The following LAMC2 variants were observed in gnomAD, a reference collection of about 807,000 sequenced individuals.
LAMC2 encodes the protein laminin subunit gamma-2.
Under a neutral mutation model 140.2 loss-of-function variants are expected in LAMC2, and 97 were observed. That is an observed-to-expected ratio of 0.69 (90% confidence interval 0.59 to 0.82). The LOEUF (loss-of-function observed/expected upper bound fraction) is 0.82, where lower values mean the gene tolerates loss of function less well. LAMC2 is among the 40% of genes least tolerant of loss of function. The probability of loss-of-function intolerance (pLI) is 0.00; values close to 1 mark genes in which losing one functional copy is unlikely to be tolerated. For missense variants in LAMC2, 1,402 were observed against 1,476.1 expected (o/e 0.95, Z 0.82); for synonymous variants, 513 against 540.2 (o/e 0.95, Z 0.70).
chr1:183,204,711 A>G (rs1213722668), intron 1 of LAMC2, among the ~76,000 whole-genome samples: 1 of 152,208 alleles, frequency 6.6e-6, no homozygotes, highest in Non-Finnish European at 1.5e-5. Context: ...CAGAAGAGGG[A>G]TGTGATAGAA....
At chr1:183,232,146 T>C (rs367747763) in intron 12 of LAMC2, 41 bp from the exon 13 acceptor site, 2 of 1,611,310 alleles carry the variant, frequency 1.2e-6, no homozygotes, top group African/African-American at 1.3e-5. Context: ...CTTGGGTACA[T>C]GGTCTCCACC....
intron 1 of LAMC2, among the ~76,000 whole-genome samples, chr1:183,198,751 A>C (rs890084992): frequency 6.6e-6 from 1 of 152,098 alleles, no homozygotes; most frequent in Non-Finnish European, 1.5e-5. Context: ...CTCCTCCCAC[A>C]CAGCCCTAGG....
chr1:183,229,635 C>CAA (rs1304647617), intron 11 of LAMC2, among the ~76,000 whole-genome samples: 4,508 of 90,226 alleles, frequency 0.05, 224 homozygotes, highest in South Asian at 0.11. Flanking sequence ...GACTCCATCT[C>CAA]AAAAAAAAAA....
At chr1:183,215,678 AC>A in intron 3 of LAMC2, 90 bp downstream of exon 3, 3 of 1,489,522 alleles carry the variant, frequency 2.0e-6, no homozygotes, top group South Asian at 1.1e-5. Context: ...CTGAGCCCCT[AC>A]CCTGTGCCAA....
chr1:183,223,007 T>C, intron 6 of LAMC2, 128 bp from the exon 7 acceptor site: 2 of 793,472 alleles, frequency 2.5e-6, no homozygotes, highest in Non-Finnish European at 4.2e-6. Context: ...CTGACTCTCC[T>C]AGCAAGGAGT....
the LAMC2 span, among the ~76,000 whole-genome samples, chr1:183,258,271 C>T: frequency 1.3e-5 from 2 of 152,338 alleles, no homozygotes; most frequent in South Asian, 2.1e-4. Flanking sequence ...AATTCATATA[C>T]GCCTCCACAT....
At chr1:183,231,495 C>T (rs1437562706) in intron 12 of LAMC2, among the ~76,000 whole-genome samples, 3 of 152,124 alleles carry the variant, frequency 2.0e-5, no homozygotes, top group Non-Finnish European at 4.4e-5. Context: ...TAGTTCAGGG[C>T]TCTTCCCACT....
intron 1 of LAMC2, among the ~76,000 whole-genome samples, chr1:183,202,549 T>C (rs1357468170): frequency 6.6e-6 from 1 of 152,178 alleles, no homozygotes; most frequent in Non-Finnish European, 1.5e-5. Context: ...ATGTAAACAA[T>C]TCATAAGAAA....
intron 1 of LAMC2, among the ~76,000 whole-genome samples, chr1:183,190,372 A>G (rs1233192826): frequency 6.6e-6 from 1 of 152,090 alleles, no homozygotes; most frequent in Non-Finnish European, 1.5e-5. Context: ...TCAGCCCAAG[A>G]AGGTGCTGAG....
rs571330336 is a variant in LAMC2, at chr1:183,196,929, C to T, written c.79+10498C>T. Among the ~76,000 whole-genome samples, 15 of 152,032 alleles carry T rather than the reference C, an allele frequency of 9.9e-5. No homozygotes were observed. The South Asian group carries it at 3.1e-3, about 32-fold the overall frequency. The stretch of plus-strand genomic sequence containing the variant: ...GAGATGAAGATGTCCCAGTGGTGAG[C>T]GTTATATGAAATTAGGCTGGAAAAG... On this transcript the variant is annotated intron_variant, in intron 1 of 22. Transcript: ENST00000264144.
chr1:183,250,284 T>A, the LAMC2 span: 2 of 152,222 alleles, frequency 1.3e-5, no homozygotes, highest in Non-Finnish European at 2.9e-5. Flanking sequence ...ACAAAGCAAC[T>A]CTTTCTTGGA....
chr1:183,187,337 G>C (rs1658184969), intron 1 of LAMC2, among the ~76,000 whole-genome samples: 1 of 152,164 alleles, frequency 6.6e-6, no homozygotes, highest in Admixed American at 6.5e-5. Flanking sequence ...ATATTATTGT[G>C]CATTCCGGGT....
At chr1:183,215,758 A>G (rs1342930855) in intron 3 of LAMC2, among the ~76,000 whole-genome samples, 170 bp downstream of exon 3, 1 of 152,174 alleles carries the variant, frequency 6.6e-6, no homozygotes, top group Non-Finnish European at 1.5e-5. Context: ...AGAGGTTGGG[A>G]TTATCATTAT....
At chr1:183,235,240 C>T (rs560459430) in intron 15 of LAMC2, among the ~76,000 whole-genome samples, 2 of 152,060 alleles carry the variant, frequency 1.3e-5, no homozygotes, top group Non-Finnish European at 2.9e-5. Context: ...TGAAATAAGA[C>T]CTAGAGGTTT....
rs77133472 is a variant in LAMC2, at chr1:183,186,315, C to G, written c.-38C>G. On this transcript the variant is annotated 5_prime_UTR_variant, in exon 1 of 23. Transcript: ENST00000264144. ...CAACCGAGGCGCCGGGCAGCGACCC[C>G]TGCAGCGGAGACAGAGACTGAGCGG... is the stretch of plus-strand genomic sequence containing the variant. 10,428 of 1,566,910 alleles carry G rather than the reference C, an allele frequency of 6.7e-3. 585 individuals are homozygous for G. The African/African-American group carries it at 0.12, about 18-fold the overall frequency.
Position 183,235,567 on chromosome 1 carries a change from C to T in LAMC2, c.2301-8C>T. ...AAACTCTTATTCTTTTGTTTTTAAT[C>T]CTTTCAGCCACGTTGAGTCAGCCAG... On this transcript the variant is annotated splice_region_variant and splice_polypyrimidine_tract_variant and intron_variant, in intron 15 of 22. Coordinates refer to ENST00000264144, the MANE Select transcript of LAMC2 (RefSeq NM_005562.3). The T allele has an allele frequency of 6.2e-7, 1 of 1,614,120 alleles. No homozygotes were observed. The highest frequency in any genetic ancestry group is 2.2e-5 in the East Asian group (1 of 44,850).
At chr1:183,198,854 A>G (rs1392284695) in intron 1 of LAMC2, among the ~76,000 whole-genome samples, 1 of 152,174 alleles carries the variant, frequency 6.6e-6, no homozygotes, top group African/African-American at 2.4e-5. Context: ...GAAATAGTTC[A>G]TCTGGTATGA....
At chr1:183,239,880 G>T (rs1473545895) in intron 20 of LAMC2, 160 bp from the exon 21 acceptor site, 2 of 850,046 alleles carry the variant, frequency 2.4e-6, no homozygotes, top group Non-Finnish European at 3.8e-6. Flanking sequence ...GCAGAGCTTG[G>T]CAAAGTACCC....
rs1659684661 is a variant in LAMC2, at chr1:183,228,034, A to G, written c.1468+337A>G. 6.6e-6 allele frequency among the ~76,000 whole-genome samples: 1 copy of G among 152,232 alleles called. No individual in the cohort carries two copies. Among genetic ancestry groups the G allele is most frequent in the Non-Finnish European group, 1.5e-5 (1 of 68,038 alleles). ...AAAACTTAGTGACTTCTTAAATGTC[A>G]CATCCTTCTGCTGGTCAATCTGAAA... On this transcript the variant is annotated intron_variant, in intron 10 of 22. Coordinates refer to ENST00000264144, the MANE Select transcript of LAMC2 (RefSeq NM_005562.3). The surrounding 1 kb of genome is among the most constrained non-coding windows in gnomAD (Gnocchi z 4.3).
Sources: gnomAD v4.1 joint callset for allele counts (sites outside exome capture counted in the v4.1 genomes callset) on GRCh38, gnomAD v4.1.1 for gene constraint, Gnocchi (gnomAD v3.1) non-coding constraint, MANE v1.5 for transcripts, NCBI Gene and HGNC (gene_info 2026-07-23, HGNC 2026-07-21) for gene names.